The following COL23A1 variants were observed in gnomAD, a reference collection of about 807,000 sequenced individuals.
COL23A1 encodes the protein collagen type XXIII alpha 1 chain.
Under a neutral mutation model 99.3 loss-of-function variants are expected in COL23A1, and 97 were observed. The observed-to-expected ratio is 0.98, with a 90% CI of 0.83 to 1.16. The LOEUF is 1.16. COL23A1 is among the 50% of genes most tolerant of loss of function. The probability of loss-of-function intolerance (pLI) is 0.00; values close to 1 mark genes in which losing one functional copy is unlikely to be tolerated. For synonymous variants in COL23A1, 320 were observed against 308.2 expected (o/e 1.04, Z -0.40); for missense variants, 762 against 757.4 (o/e 1.01, Z -0.07).
At chr5:178,547,448 T>C (rs1281868775) in intron 2 of COL23A1, among the ~76,000 whole-genome samples, 1 of 149,864 alleles carries the variant, frequency 6.7e-6, no homozygotes, top group Non-Finnish European at 1.5e-5. Context: ...TCTTTATGCA[T>C]GCACGTGTGG....
rs988924940 is a variant in COL23A1, at chr5:178,375,999, G to A, written c.362-69080C>T. Reference sequence around the variant, plus strand: ...TGGGATTATAGGCGTGAGCCACCACGCCCGGCTCCCATTCCCTTTTCTACA... The same window carrying A: ...TGGGATTATAGGCGTGAGCCACCACACCCGGCTCCCATTCCCTTTTCTACA... On this transcript the variant is annotated intron_variant, in intron 2 of 28. Transcript: ENST00000390654. Among the ~76,000 whole-genome samples the A allele has an allele frequency of 3.9e-5, 6 of 152,148 alleles. 1 individual carries two copies. The highest frequency in any genetic ancestry group is 7.2e-5 in the African/African-American group (3 of 41,410).
chr5:178,424,599 A>G (rs903460928), intron 2 of COL23A1, among the ~76,000 whole-genome samples: 1 of 152,218 alleles, frequency 6.6e-6, no homozygotes, highest in Non-Finnish European at 1.5e-5. Flanking sequence ...GAACTGGAAT[A>G]TAAGGGCAGT....
At chr5:178,562,426 C>T (rs867615750) in intron 1 of COL23A1, among the ~76,000 whole-genome samples, 1 of 151,136 alleles carries the variant, frequency 6.6e-6, no homozygotes, top group Non-Finnish European at 1.5e-5. Flanking sequence ...TGGTGGCGGG[C>T]GCCTGTAGTC....
intron 2 of COL23A1, among the ~76,000 whole-genome samples, chr5:178,312,513 C>T (rs1447354020): frequency 1.3e-5 from 2 of 152,192 alleles, no homozygotes; most frequent in Admixed American, 6.5e-5. Flanking sequence ...GGGCCTCGAA[C>T]CCCAACAGGC....
chr5:178,382,098 C>T lies in COL23A1; in HGVS notation c.362-75179G>A, dbSNP rs1168959260. Among the ~76,000 whole-genome samples, 3 of 132,528 alleles carry T rather than the reference C, an allele frequency of 2.3e-5. 1 individual carries two copies. The highest frequency in any genetic ancestry group is 8.9e-5 in the African/African-American group (3 of 33,626). 86.9% of individuals were successfully genotyped at this position (132,528 alleles called of 152,430 possible). A position where few individuals can be genotyped will look rare whatever the true frequency, so the allele number is the denominator to read the frequency against. On this transcript the variant is annotated intron_variant, in intron 2 of 28. Coordinates refer to ENST00000390654, the MANE Select transcript of COL23A1 (RefSeq NM_173465.4). The stretch of plus-strand genomic sequence containing the variant: ...GGTTCTCAGTCCGCACTGGAATCTT[C>T]GGGGGGAATGGGTGGGGCATTCTGG...
intron 2 of COL23A1, among the ~76,000 whole-genome samples, chr5:178,399,517 T>C (rs966669062): frequency 6.6e-5 from 10 of 152,082 alleles, no homozygotes; most frequent in African/African-American, 2.4e-4. Flanking sequence ...GCTGGGAACA[T>C]GGAAGGGAGC....
rs546981764 is a variant in COL23A1 at position 178,496,441 on chromosome 5, A to G, written c.361+64241T>C. Reference sequence around the variant, plus strand: ...TACGGGAAGCCACGCTCACTTACTCATGTCTTAGGGATGAAGCTTCAGAAG... The same window carrying G: ...TACGGGAAGCCACGCTCACTTACTCGTGTCTTAGGGATGAAGCTTCAGAAG... On this transcript the variant is annotated intron_variant, in intron 2 of 28. Coordinates refer to ENST00000390654, the MANE Select transcript of COL23A1 (RefSeq NM_173465.4). Among the ~76,000 whole-genome samples the G allele has an allele frequency of 2.5e-4, 38 of 152,308 alleles. No homozygotes were observed. In the South Asian group the frequency reaches 4.8e-3, roughly 19 times the overall value.
At chr5:178,334,427 G>A (rs1465120894) in intron 2 of COL23A1, among the ~76,000 whole-genome samples, 2 of 82,064 alleles carry the variant, frequency 2.4e-5, no homozygotes, top group Middle Eastern at 4.2e-3. Flanking sequence ...GGGCGGCACC[G>A]GCCGGCACAG....
At chr5:178,552,727 T>G (rs1163318722) in intron 2 of COL23A1, among the ~76,000 whole-genome samples, 1 of 149,108 alleles carries the variant, frequency 6.7e-6, no homozygotes, top group Non-Finnish European at 1.5e-5. Flanking sequence ...AAAAAAAAAT[T>G]TTTTTCAGAC....
intron 2 of COL23A1, among the ~76,000 whole-genome samples, chr5:178,516,906 G>C (rs1281612214): frequency 6.6e-6 from 1 of 152,238 alleles, no homozygotes; most frequent in East Asian, 1.9e-4. Context: ...TGTGCGACCA[G>C]TAGCTGGTGG....
At chr5:178,326,139 T>C (rs1015758117) in intron 2 of COL23A1, among the ~76,000 whole-genome samples, 4 of 152,294 alleles carry the variant, frequency 2.6e-5, no homozygotes, top group African/African-American at 9.6e-5. Context: ...TTGACCTCCA[T>C]TTCAGGAAAG....
intron 1 of COL23A1, among the ~76,000 whole-genome samples, chr5:178,587,063 AT>A (rs1485095230): frequency 6.6e-6 from 1 of 152,192 alleles, no homozygotes; most frequent in Non-Finnish European, 1.5e-5. Context: ...CTTGCATTAC[AT>A]TTTTTACTGT....
Position 178,347,906 on chromosome 5 carries a change from AAC to A in COL23A1, c.362-40989_362-40988del, listed in dbSNP as rs1159681710. Among the ~76,000 whole-genome samples the A allele has an allele frequency of 3.3e-5, 5 of 150,290 alleles. No homozygotes were observed. The East Asian group carries it at 5.9e-4, about 18-fold the overall frequency. The stretch of plus-strand genomic sequence containing the variant: ...AAAAAAAAAAAAAAAAACCCAAAAA[AAC>A]AAAACAAAAAAAAAACAAAGAATAA... On this transcript the variant is annotated intron_variant, in intron 2 of 28. Coordinates refer to ENST00000390654, the MANE Select transcript of COL23A1 (RefSeq NM_173465.4).
At chr5:178,531,608 T>G (rs1760655605) in intron 2 of COL23A1, among the ~76,000 whole-genome samples, 1 of 152,228 alleles carries the variant, frequency 6.6e-6, no homozygotes, top group South Asian at 2.1e-4. Context: ...GATTCTGTTC[T>G]CGGCAGCCAA....
chr5:178,565,291 C>G (rs541569675), intron 1 of COL23A1, among the ~76,000 whole-genome samples: 87 of 152,270 alleles, frequency 5.7e-4, no homozygotes, highest in African/African-American at 1.8e-3. Flanking sequence ...GAAATCCCCC[C>G]GCTGAGGGCA....
intron 2 of COL23A1, among the ~76,000 whole-genome samples, chr5:178,503,552 T>C (rs1446086209): frequency 6.6e-6 from 1 of 151,980 alleles, no homozygotes; most frequent in African/African-American, 2.4e-5. Context: ...CACCCTGAAG[T>C]ATTTAGGGGT....
rs1191246137 is a variant in COL23A1, at chr5:178,302,274, A to C, written c.406+4601T>G. 3.5e-5 allele frequency among the ~76,000 whole-genome samples: 4 copies of C among 113,698 alleles called. No homozygotes were observed. The East Asian group carries it at 1.0e-3, about 28-fold the overall frequency. The allele number at this position is 113,698 out of a possible 152,430, so 74.6% of individuals were successfully genotyped here. On this transcript the variant is annotated intron_variant, in intron 3 of 28. Transcript: ENST00000390654. The stretch of plus-strand genomic sequence containing the variant: ...CTGTGTGCGCCGGAGCACGGCTTCA[A>C]TCCACCTCTGTGTGCGCCGGAGCAC...
At chr5:178,317,015 T>C (rs1164334425) in intron 2 of COL23A1, among the ~76,000 whole-genome samples, 1 of 152,206 alleles carries the variant, frequency 6.6e-6, no homozygotes, top group Non-Finnish European at 1.5e-5. Context: ...TGATAGTTAA[T>C]ATTTATTAAA....
intron 2 of COL23A1, among the ~76,000 whole-genome samples, chr5:178,418,641 A>G (rs1409966252): frequency 6.7e-6 from 1 of 150,142 alleles, no homozygotes; most frequent in African/African-American, 2.5e-5. Context: ...CCAGCCCCAC[A>G]GTGACCCACG....
Sources: gnomAD v4.1 joint callset for allele counts (sites outside exome capture counted in the v4.1 genomes callset) on GRCh38, gnomAD v4.1.1 for gene constraint, MANE v1.5 for transcripts, NCBI Gene and HGNC (gene_info 2026-07-23, HGNC 2026-07-21) for gene names.